METAP2: variants seen among roughly 807,000 people sequenced by gnomAD.
METAP2 encodes methionine aminopeptidase 2.
In METAP2, 25 loss-of-function variants were observed where a neutral mutation model predicts 59.4. The ratio of observed to expected loss-of-function variants is 0.42; its 90% confidence interval spans 0.31 to 0.59. The LOEUF (loss-of-function observed/expected upper bound fraction) is 0.59. Among genes scored for constraint, METAP2 ranks in the 20% least tolerant of loss-of-function variants. METAP2 has a pLI of 0.16. For missense variants in METAP2, 366 were observed against 581.2 expected (o/e 0.63, Z 3.81); for synonymous variants, 214 against 194.1 (o/e 1.10, Z -0.85).
At chr12:95,510,587 C>T (rs1049566159) in intron 8 of METAP2, among the ~76,000 whole-genome samples, 3 of 152,192 alleles carry the variant, frequency 2.0e-5, no homozygotes, top group African/African-American at 7.2e-5. Context: ...CACCTCCCAA[C>T]ACCATCACAC....
chr12:95,487,004 T>G (rs1045972018), intron 4 of METAP2, among the ~76,000 whole-genome samples: 2 of 152,200 alleles, frequency 1.3e-5, no homozygotes, highest in Admixed American at 6.5e-5. Context: ...ATTTATTAGC[T>G]TTGTGACTTG....
At chr12:95,504,808 GTT>G (rs1299132347) in intron 8 of METAP2, among the ~76,000 whole-genome samples, 2 of 152,178 alleles carry the variant, frequency 1.3e-5, no homozygotes, top group Non-Finnish European at 2.9e-5. Flanking sequence ...CTAGCCTGTG[GTT>G]TTTTGGAATC....
At chr12:95,505,476 C>T (rs765286444) in intron 8 of METAP2, among the ~76,000 whole-genome samples, 2 of 151,666 alleles carry the variant, frequency 1.3e-5, no homozygotes, top group Admixed American at 1.3e-4. Flanking sequence ...AGGTGCCCAC[C>T]ACCACGCCCG....
chr12:95,508,513 G>A (rs752400527), intron 8 of METAP2, among the ~76,000 whole-genome samples: 6 of 152,176 alleles, frequency 3.9e-5, no homozygotes, highest in Admixed American at 6.5e-5. Context: ...TTCCAAATTC[G>A]TGAGTCTTAT....
intron 7 of METAP2, among the ~76,000 whole-genome samples, chr12:95,497,749 G>A (rs973862530): frequency 2.6e-5 from 4 of 152,178 alleles, no homozygotes; most frequent in East Asian, 1.9e-4. Context: ...TATTTTCTGG[G>A]TAGTTTTTGT....
chr12:95,475,654 C>G (rs116862970), intron 1 of METAP2, among the ~76,000 whole-genome samples: 1 of 152,162 alleles, frequency 6.6e-6, no homozygotes, highest in Non-Finnish European at 1.5e-5. Context: ...TGACTTTACC[C>G]AGCCCATCGT....
chr12:95,482,277 A>G, intron 2 of METAP2: 1 of 377,304 alleles, frequency 2.7e-6, no homozygotes, highest in South Asian at 1.9e-5. Flanking sequence ...ACACCTGGAT[A>G]ATTTTTTGTA....
intron 9 of METAP2, 141 bp from the exon 10 acceptor site, chr12:95,512,660 C>T: frequency 3.5e-6 from 2 of 565,612 alleles, no homozygotes; most frequent in Non-Finnish European, 6.2e-6. Flanking sequence ...TGCAGTGAGC[C>T]AAGATCTCAC....
intron 4 of METAP2, 146 bp from the exon 5 acceptor site, chr12:95,493,910 G>A (rs374477849): frequency 6.3e-5 from 40 of 633,962 alleles, no homozygotes; most frequent in African/African-American, 2.6e-4. Context: ...CAAGTGTTTG[G>A]CTTTTTGTAT....
chr12:95,484,815 T>C (rs1325067462), intron 3 of METAP2: 1 of 452,572 alleles, frequency 2.2e-6, no homozygotes, highest in African/African-American at 2.0e-5. Flanking sequence ...TTTTTTTTAA[T>C]GTTGGCTACT....
At chr12:95,483,035 C>T (rs2076170257) in intron 2 of METAP2, among the ~76,000 whole-genome samples, 180 bp from the exon 3 acceptor site, 1 of 152,166 alleles carries the variant, frequency 6.6e-6, no homozygotes, top group Non-Finnish European at 1.5e-5. Flanking sequence ...AGGCATGTGC[C>T]ACCACACCTG....
At chr12:95,490,775 CTT>C (rs912308409) in intron 4 of METAP2, among the ~76,000 whole-genome samples, 1 of 152,050 alleles carries the variant, frequency 6.6e-6, no homozygotes, top group Non-Finnish European at 1.5e-5. Context: ...ACCTTTTTCT[CTT>C]TCTCTTCAGT....
At chr12:95,485,316 CAT>C (rs1057199709) in intron 3 of METAP2, among the ~76,000 whole-genome samples, 2 of 152,006 alleles carry the variant, frequency 1.3e-5, no homozygotes, top group African/African-American at 4.8e-5. Flanking sequence ...AGTCCCTTGT[CAT>C]GTAATTTATG....
At chr12:95,501,591 T>A (rs2076316156) in intron 7 of METAP2, among the ~76,000 whole-genome samples, 2 of 151,942 alleles carry the variant, frequency 1.3e-5, no homozygotes, top group African/African-American at 4.8e-5. Context: ...GGCATGCGCC[T>A]GTAGTCCCAG....
chr12:95,505,364 G>C (rs1002223048), intron 8 of METAP2, among the ~76,000 whole-genome samples: 1 of 152,120 alleles, frequency 6.6e-6, no homozygotes, highest in African/African-American at 2.4e-5. Context: ...CTCTCGCTCT[G>C]TTGCTCAGGC....
At chr12:95,484,424 TA>T (rs2076181064) in intron 3 of METAP2, among the ~76,000 whole-genome samples, 1 of 151,806 alleles carries the variant, frequency 6.6e-6, no homozygotes, top group Non-Finnish European at 1.5e-5. Flanking sequence ...AAAAAAAAAT[TA>T]TTAAAAGTTT....
At chr12:95,480,350 G>T (rs975813668) in intron 2 of METAP2, among the ~76,000 whole-genome samples, 1 of 152,170 alleles carries the variant, frequency 6.6e-6, no homozygotes, top group Non-Finnish European at 1.5e-5. Context: ...TTGCATATGG[G>T]TCTATGTGTA....
At chr12:95,499,016 A>C (rs398102348) in intron 7 of METAP2, among the ~76,000 whole-genome samples, 145 of 74,318 alleles carry the variant, frequency 2.0e-3, no homozygotes, top group South Asian at 8.0e-3. Context: ...ACCCTGTCCC[A>C]AAAAAAAAAA....
At chr12:95,501,120 C>G (rs2076312135) in intron 7 of METAP2, among the ~76,000 whole-genome samples, 1 of 150,782 alleles carries the variant, frequency 6.6e-6, no homozygotes. Flanking sequence ...CAAGCAGACT[C>G]CTGCCTCAGC....
Sources: allele counts gnomAD v4.1 joint callset (sites outside exome capture counted in the v4.1 genomes callset), GRCh38; gene constraint gnomAD v4.1.1; transcripts MANE v1.5; gene names NCBI Gene and HGNC (gene_info 2026-07-23, HGNC 2026-07-21).